Variants in TERT observed in about 807,000 individuals in gnomAD.
TERT encodes telomerase reverse transcriptase.
Under a neutral mutation model 104.0 loss-of-function variants are expected in TERT, and 42 were observed. The observed-to-expected ratio is 0.40, with a 90% confidence interval of 0.32 to 0.52. The LOEUF (loss-of-function observed/expected upper bound fraction) is 0.52. Among genes scored for constraint, TERT ranks in the 20% least tolerant of loss-of-function variants. The probability of loss-of-function intolerance (pLI) is 0.43; values close to 1 mark genes in which losing one functional copy is unlikely to be tolerated. For synonymous variants in TERT, 781 were observed against 725.6 expected, an observed-to-expected ratio of 1.08 and a Z score of -1.23; for missense variants, 1,101 against 1,610.3, an observed-to-expected ratio of 0.68 and a Z score of 5.41.
chr5:1,275,141 G>T (rs1321821614), intron 6 of TERT, among the ~76,000 whole-genome samples: 1 of 152,184 alleles, frequency 6.6e-6, no homozygotes, highest in Non-Finnish European at 1.5e-5. Flanking sequence ...TTGGGAGGCC[G>T]AGGTGGGAGG....
chr5:1,284,674 A>G (rs1423256204), intron 2 of TERT, among the ~76,000 whole-genome samples: 2 of 115,508 alleles, frequency 1.7e-5, no homozygotes, highest in Non-Finnish European at 3.6e-5. Context: ...TCCAGCTCAC[A>G]GCAGGGCCTG....
intron 12 of TERT, 117 bp downstream of exon 12, chr5:1,260,357 C>T: frequency 6.5e-7 from 1 of 1,531,844 alleles, no homozygotes; most frequent in South Asian, 1.1e-5. Context: ...TACATGTGCA[C>T]TCTTACGTGC....
At chr5:1,271,746 G>A (rs35928703) in intron 7 of TERT, among the ~76,000 whole-genome samples, 2,421 of 152,232 alleles carry the variant, frequency 0.016, 60 homozygotes, top group African/African-American at 0.054. Flanking sequence ...TCAGCGGGGC[G>A]TGGCTCAAAC....
At position 1,260,532 on chromosome 5, in the gene TERT, C is replaced by T. The variant is rs1748153358; in HGVS notation, c.2912G>A (p.Arg971His). 1 of 1,614,202 alleles carries T rather than the reference C, an allele frequency of 6.2e-7. No homozygotes were observed. Among genetic ancestry groups the T allele is most frequent in the African/African-American group, 1.3e-5 (1 of 75,058 alleles). Residue 971 changes from arginine to histidine, a missense_variant, in exon 12 of 16, where the codon CGT (arginine) becomes CAT (histidine). Arg to His is a conservative substitution (Grantham distance 29, BLOSUM62 0). Transcript: ENST00000310581. ...NRGFKAGRNM[R>H]RKLFGVLRLK... Reference sequence around the variant, plus strand: ...CCGCAAGACCCCAAAGAGTTTGCGACGCATGTTCCTCCCAGCCTTGAAGCC... The same window carrying T: ...CCGCAAGACCCCAAAGAGTTTGCGATGCATGTTCCTCCCAGCCTTGAAGCC...
At chr5:1,272,391 G>A (rs1400985867) in intron 6 of TERT, 111 bp from the exon 7 acceptor site, 2 of 1,006,756 alleles carry the variant, frequency 2.0e-6, no homozygotes, top group Non-Finnish European at 3.1e-6. Context: ...CCCGATGGCG[G>A]GATGAAGCCC....
chr5:1,279,620 C>T lies in TERT; in HGVS notation c.1951-150G>A, dbSNP rs1749876605. 3 of 789,120 alleles carry T rather than the reference C, an allele frequency of 3.8e-6. No individual in the cohort carries two copies. In the South Asian group the frequency reaches 4.4e-5, roughly 12 times the overall value. 48.9% of individuals were successfully genotyped at this position (789,120 alleles called of 1,614,324 possible). A position where few individuals can be genotyped will look rare whatever the true frequency, so the allele number is the denominator to read the frequency against. On this transcript the variant is annotated intron_variant, in intron 4 of 15. Coordinates refer to ENST00000310581, the MANE Select transcript of TERT (RefSeq NM_198253.3). Reference sequence around the variant, plus strand: ...GAACCCCTCCCAGCTTCCTCAGACCCTGTTTGAAACGGGTTCCTGGCCGCA... The same window carrying T: ...GAACCCCTCCCAGCTTCCTCAGACCTTGTTTGAAACGGGTTCCTGGCCGCA...
chr5:1,290,910 C>G (rs1579592574), intron 2 of TERT, among the ~76,000 whole-genome samples: 1 of 131,448 alleles, frequency 7.6e-6, no homozygotes, highest in Non-Finnish European at 1.6e-5. Flanking sequence ...TCACCCTGCA[C>G]GTGACAGGGA....
Position 1,255,580 on chromosome 5 carries a change from GTGCT to G in TERT, c.3033-173_3033-170del, listed in dbSNP as rs1007527956. Among the ~76,000 whole-genome samples the G allele has an allele frequency of 2.0e-5, 3 of 152,254 alleles. No homozygotes were observed. The highest frequency in any genetic ancestry group is 2.0e-4 in the Admixed American group (3 of 15,290). Reference sequence around the variant, plus strand: ...GATGCATGCATGCATGTCTGTGTGTGTGCTTGTGTGTGCGAGTAGCTGCGTGTCT... The same window carrying G: ...GATGCATGCATGCATGTCTGTGTGTGTGTGTGTGCGAGTAGCTGCGTGTCT... On this transcript the variant is annotated intron_variant, in intron 13 of 15. Transcript: ENST00000310581. This position sits in a 1 kb window ranked among gnomAD's most constrained non-coding sequence, Gnocchi z 6.9.
chr5:1,282,801 T>G (rs1160380486), intron 2 of TERT, 177 bp from the exon 3 acceptor site: 1 of 613,094 alleles, frequency 1.6e-6, no homozygotes, highest in Non-Finnish European at 2.9e-6. Flanking sequence ...GACCTCACCC[T>G]GGACCTGCAC....
intron 2 of TERT, among the ~76,000 whole-genome samples, chr5:1,290,999 C>G (rs2126677037): frequency 7.6e-6 from 1 of 131,668 alleles, no homozygotes. Flanking sequence ...CTGCACGGGA[C>G]AGGGACACCT....
chr5:1,253,899 C>T (rs900544315), intron 15 of TERT, 68 bp from the exon 16 acceptor site: 55 of 1,518,004 alleles, frequency 3.6e-5, no homozygotes, highest in Non-Finnish European at 4.2e-5. Context: ...CCTCCTAGGA[C>T]GTGTGGGTGG....
Position 1,263,766 on chromosome 5 carries a change from T to C in TERT, c.2843+638A>G, listed in dbSNP as rs944407673. ...GCACAGATTTCTGCATCTGTGTCCATCTTCAATTCATTTGTGTCTGAGCCT... is the reference window on the plus strand; with the variant it reads ...GCACAGATTTCTGCATCTGTGTCCACCTTCAATTCATTTGTGTCTGAGCCT... On this transcript the variant is annotated intron_variant, in intron 11 of 15. Coordinates refer to ENST00000310581, the MANE Select transcript of TERT (RefSeq NM_198253.3). This position sits in a 1 kb window ranked among gnomAD's most constrained non-coding sequence, Gnocchi z 5.3. Among the ~76,000 whole-genome samples the C allele has an allele frequency of 3.9e-5, 6 of 152,238 alleles. No homozygotes were observed. Among genetic ancestry groups the C allele is most frequent in the Non-Finnish European group, 7.3e-5 (5 of 68,040 alleles).
Position 1,261,997 on chromosome 5 carries a change from G to A in TERT, c.2844-1397C>T, listed in dbSNP as rs1748264787. 6.6e-6 allele frequency among the ~76,000 whole-genome samples: 1 copy of A among 152,182 alleles called. No homozygotes were observed. The highest frequency in any genetic ancestry group is 2.1e-4 in the South Asian group (1 of 4,828). Reference sequence around the variant, plus strand: ...ACGTGCACAAACGCTCCAGGGAATGGCCATTTTCACTGTGGCTCAGGCAAG... The same window carrying A: ...ACGTGCACAAACGCTCCAGGGAATGACCATTTTCACTGTGGCTCAGGCAAG... On this transcript the variant is annotated intron_variant, in intron 11 of 15. Coordinates refer to ENST00000310581, the MANE Select transcript of TERT (RefSeq NM_198253.3). This position sits in a 1 kb window ranked among gnomAD's most constrained non-coding sequence, Gnocchi z 7.4.
At position 1,293,652 on chromosome 5, in the gene TERT, G is replaced by A. The variant is rs34094720; in HGVS notation, c.1234C>T (p.His412Tyr). ...GTGACCGCAGCTCGCAGCGGGCAGTGCGTCTTGAGGAGCACCCCGTAGGGG... is the reference window on the plus strand; with the variant it reads ...GTGACCGCAGCTCGCAGCGGGCAGTACGTCTTGAGGAGCACCCCGTAGGGG... Reference protein sequence around the residue: ...QCPYGVLLKTHCPLRAAVTPA... With the variant: ...QCPYGVLLKTYCPLRAAVTPA... The change falls in exon 2 of 16, where the codon CAC (histidine) becomes TAC (tyrosine). Residue 412 changes from histidine to tyrosine, a missense_variant. Around this residue, in one of 5 missense-constraint regions of TERT, gnomAD observed 504 missense variants for 544.6 expected, o/e 0.93. Coordinates refer to ENST00000310581, the MANE Select transcript of TERT (RefSeq NM_198253.3). The A allele has an allele frequency of 4.5e-3, 7,043 of 1,561,382 alleles. 20 individuals carry two copies. The highest frequency in any genetic ancestry group is 5.2e-3 in the Non-Finnish European group (5,947 of 1,153,206).
chr5:1,279,557 C>G, intron 4 of TERT, 87 bp from the exon 5 acceptor site: 10 of 1,371,396 alleles, frequency 7.3e-6, no homozygotes, highest in Non-Finnish European at 1.0e-5. Context: ...AGAAGCAGCC[C>G]CTCCCCAGTG....
rs760697425 is a variant in TERT, at chr5:1,293,952, G to A, written c.934C>T (p.Arg312Trp). 5 of 1,549,652 alleles carry A rather than the reference G, an allele frequency of 3.2e-6. No homozygotes were observed. In the African/African-American group the frequency reaches 4.1e-5, roughly 13 times the overall value. Residue 312 changes from arginine (R) to tryptophan (W), a missense_variant, in exon 2 of 16, where the codon CGG becomes TGG. By Grantham distance (101) the Arg-to-Trp change is moderately radical. Coordinates refer to ENST00000310581, the MANE Select transcript of TERT (RefSeq NM_198253.3). ...QHHAGPPSTS[R>W]PPRPWDTPCP... ...GGCGTGTCCCAGGGACGTGGTGGCC[G>A]CGATGTGGATGGGGGGCCCGCGTGG...
Position 1,257,697 on chromosome 5 carries a change from C to T in TERT, c.3032+901G>A, listed in dbSNP as rs1298569664. On this transcript the variant is annotated intron_variant, in intron 13 of 15. Transcript: ENST00000310581. This position sits in a 1 kb window ranked among gnomAD's most constrained non-coding sequence, Gnocchi z 5.6. ...CGGGTTAAAAACCATTTTCATGGTA[C>T]GACCTTGTAATGGAAAACTCTCCCG... Among the ~76,000 whole-genome samples the T allele has an allele frequency of 6.6e-6, 1 of 152,210 alleles. No homozygotes were observed. The highest frequency in any genetic ancestry group is 2.4e-5 in the African/African-American group (1 of 41,462).
rs1392620601 is a variant in TERT, at chr5:1,253,532, T to C, written c.*196A>G. 4.8e-6 allele frequency: 3 copies of C among 618,626 alleles called. No individual in the cohort carries two copies. The highest frequency in any genetic ancestry group is 8.7e-6 in the Non-Finnish European group (3 of 345,360). 38.3% of individuals were successfully genotyped at this position (618,626 alleles called of 1,614,324 possible). On this transcript the variant is annotated 3_prime_UTR_variant, in exon 16 of 16. Coordinates refer to ENST00000310581, the MANE Select transcript of TERT (RefSeq NM_198253.3). ...GTGTGCTGGACACTCAGCCCTTGGC[T>C]GGACACTCGCTCAGGCCTCAGCCGG... is the stretch of plus-strand genomic sequence containing the variant.
At chr5:1,289,336 A>T (rs1469272176) in intron 2 of TERT, among the ~76,000 whole-genome samples, 1 of 118,708 alleles carries the variant, frequency 8.4e-6, no homozygotes, top group African/African-American at 3.2e-5. Flanking sequence ...ACCCGGGGAC[A>T]GTGCCTCACT....
Sources: gnomAD v4.1 joint callset for allele counts (sites outside exome capture counted in the v4.1 genomes callset) on GRCh38, gnomAD v4.1.1 for gene constraint, gnomAD v4.1.1 regional missense constraint, Gnocchi (gnomAD v3.1) non-coding constraint, MANE v1.5 for transcripts, NCBI Gene and HGNC (gene_info 2026-07-23, HGNC 2026-07-21) for gene names.